COA1: variants seen among roughly 807,000 people sequenced by gnomAD.
COA1 encodes cytochrome c oxidase assembly factor 1, also known as cytochrome c oxidase assembly factor 1 homolog.
In COA1, 13 loss-of-function variants were observed where a neutral mutation model predicts 16.0. The ratio of observed to expected loss-of-function variants is 0.81; its 90% CI spans 0.53 to 1.29. COA1 has a LOEUF of 1.29. COA1 is among the 50% of genes most tolerant of loss of function. The pLI is 0.00. For missense variants in COA1, 179 were observed against 177.0 expected, an observed-to-expected ratio of 1.01 and a Z score of -0.06; for synonymous variants, 65 against 65.7, an observed-to-expected ratio of 0.99 and a Z score of 0.05.
intron 3 of COA1, 88 bp from the exon 4 acceptor site, chr7:43,645,487 A>G (rs2089000213): frequency 2.5e-6 from 3 of 1,197,330 alleles, no homozygotes; most frequent in Non-Finnish European, 3.7e-6. Context: ...CAACTGACGT[A>G]CAGGGTAGAA....
chr7:43,710,432 G>C (rs1254447275), intron 1 of COA1, among the ~76,000 whole-genome samples: 1 of 130,238 alleles, frequency 7.7e-6, no homozygotes, highest in Non-Finnish European at 1.6e-5. Flanking sequence ...TTTATTAATA[G>C]TTACTGCCTA....
chr7:43,684,851 G>C (rs1455790407), intron 1 of COA1, among the ~76,000 whole-genome samples: 1 of 152,106 alleles, frequency 6.6e-6, no homozygotes, highest in East Asian at 1.9e-4. Flanking sequence ...TAGGCAATGG[G>C]ACCCCAGAGA....
chr7:43,636,490 T>G (rs1386534129), downstream of COA1, among the ~76,000 whole-genome samples: 3 of 152,194 alleles, frequency 2.0e-5, no homozygotes, highest in African/African-American at 7.2e-5. Context: ...CGCCAGAGAG[T>G]CAAGTGGCCT....
chr7:43,694,377 C>G (rs1447726781), intron 1 of COA1, among the ~76,000 whole-genome samples: 1 of 152,048 alleles, frequency 6.6e-6, no homozygotes, highest in Non-Finnish European at 1.5e-5. Flanking sequence ...TCTCCAATTC[C>G]TGTTTTCCCA....
chr7:43,706,688 G>C (rs778717175), intron 1 of COA1, among the ~76,000 whole-genome samples: 4 of 152,076 alleles, frequency 2.6e-5, no homozygotes, highest in South Asian at 4.1e-4. Context: ...GGACAACATA[G>C]TGAAAGACTG....
intron 1 of COA1, among the ~76,000 whole-genome samples, chr7:43,696,900 G>A (rs2690383): frequency 0.061 from 9,330 of 151,886 alleles, 338 homozygotes; most frequent in South Asian, 0.083. Flanking sequence ...CAAGGCAGGC[G>A]GATCACAAGG....
chr7:43,715,353 C>A (rs1203115915), intron 1 of COA1, among the ~76,000 whole-genome samples: 1 of 151,998 alleles, frequency 6.6e-6, no homozygotes, highest in Admixed American at 6.6e-5. Flanking sequence ...TGGCAAGCAC[C>A]TGTAGTCCCA....
At chr7:43,615,865 T>C (rs1436623666) in intron 6 of COA1, among the ~76,000 whole-genome samples, 15 of 152,198 alleles carry the variant, frequency 9.9e-5, no homozygotes, top group Admixed American at 9.8e-4. Flanking sequence ...TTTTTTAACA[T>C]TGTCCTCTCC....
intron 1 of COA1, among the ~76,000 whole-genome samples, chr7:43,719,193 C>A (rs150899355): frequency 6.6e-6 from 1 of 152,104 alleles, no homozygotes; most frequent in Non-Finnish European, 1.5e-5. Flanking sequence ...GTCTCGAACT[C>A]CTGACCTCAA....
intron 6 of COA1, among the ~76,000 whole-genome samples, chr7:43,630,601 T>C (rs921006923): frequency 1.3e-5 from 2 of 152,182 alleles, no homozygotes; most frequent in African/African-American, 4.8e-5. Flanking sequence ...CCAATAAAAC[T>C]GTACCCTGTC....
intron 5 of COA1, among the ~76,000 whole-genome samples, 177 bp downstream of exon 5, chr7:43,640,396 A>G (rs2086746044): frequency 6.6e-6 from 1 of 152,272 alleles, no homozygotes; most frequent in Admixed American, 6.5e-5. Flanking sequence ...AACTGGACTC[A>G]GCTAAGAGCC....
At chr7:43,717,717 C>G (rs1201140447) in intron 1 of COA1, among the ~76,000 whole-genome samples, 1 of 152,088 alleles carries the variant, frequency 6.6e-6, no homozygotes, top group Non-Finnish European at 1.5e-5. Context: ...TATGGTTTGG[C>G]TCTATGTCCC....
intron 1 of COA1, among the ~76,000 whole-genome samples, chr7:43,717,731 T>C (rs1437251108): frequency 6.6e-6 from 1 of 152,210 alleles, no homozygotes; most frequent in East Asian, 1.9e-4. Context: ...ATGTCCCTAT[T>C]CAAATCTCAT....
At chr7:43,676,778 T>C (rs2093542991) in intron 1 of COA1, among the ~76,000 whole-genome samples, 1 of 151,894 alleles carries the variant, frequency 6.6e-6, no homozygotes, top group African/African-American at 2.4e-5. Context: ...CCCATAAATA[T>C]GTACAATTAA....
downstream of COA1, among the ~76,000 whole-genome samples, chr7:43,637,671 C>T (rs1382880158): frequency 2.0e-5 from 3 of 152,156 alleles, no homozygotes; most frequent in African/African-American, 7.2e-5. Context: ...TTCAGAATCA[C>T]CCATAAAGGC....
At chr7:43,670,430 G>A (rs2093185338) in intron 1 of COA1, among the ~76,000 whole-genome samples, 2 of 151,992 alleles carry the variant, frequency 1.3e-5, no homozygotes, top group Non-Finnish European at 2.9e-5. Context: ...TACAGCCTGA[G>A]CAACAGGGTG....
intron 1 of COA1, among the ~76,000 whole-genome samples, chr7:43,677,800 TAAAAAAA>T (rs11310207): frequency 6.0e-5 from 7 of 116,832 alleles, no homozygotes; most frequent in Admixed American, 9.0e-5. Context: ...GGCTCTGTCT[TAAAAAAA>T]AAAAAAAAAA....
chr7:43,654,465 G>T (rs1349035274), intron 1 of COA1, among the ~76,000 whole-genome samples: 4 of 152,054 alleles, frequency 2.6e-5, no homozygotes, highest in African/African-American at 7.2e-5. Context: ...GACACTACAC[G>T]CTAAAGAAGG....
intron 1 of COA1, among the ~76,000 whole-genome samples, chr7:43,650,985 G>A (rs1289059136): frequency 1.3e-5 from 2 of 152,108 alleles, no homozygotes; most frequent in African/African-American, 2.4e-5. Context: ...TCAGTGGGGG[G>A]CAGCAGGGGC....
Sources: gnomAD v4.1 joint callset for allele counts (sites outside exome capture counted in the v4.1 genomes callset) on GRCh38, gnomAD v4.1.1 for gene constraint, MANE v1.5 for transcripts, NCBI Gene and HGNC (gene_info 2026-07-23, HGNC 2026-07-21) for gene names.